Variants in ANKRD27 observed in about 807,000 individuals in gnomAD.
ANKRD27 encodes the protein ankyrin repeat domain 27, also known as ankyrin repeat domain-containing protein 27.
Under a neutral mutation model 129.7 loss-of-function variants are expected in ANKRD27, and 112 were observed. The observed-to-expected ratio is 0.86, with a 90% CI of 0.74 to 1.01. ANKRD27 has a LOEUF of 1.01. Ranked by LOEUF, ANKRD27 falls within the 50% of genes least tolerant of loss-of-function variation. ANKRD27 has a pLI of 0.00. For synonymous variants in ANKRD27, 516 were observed against 511.2 expected, an observed-to-expected ratio of 1.01 and a Z score of -0.13; for missense variants, 1,258 against 1,300.5, an observed-to-expected ratio of 0.97 and a Z score of 0.50.
chr19:32,672,053 T>G (rs1967880971), intron 1 of ANKRD27, among the ~76,000 whole-genome samples: 1 of 152,186 alleles, frequency 6.6e-6, no homozygotes, highest in South Asian at 2.1e-4. Context: ...GGTGACAGCG[T>G]GCAGCCCAGC....
chr19:32,620,062 C>T (rs2145274974), intron 18 of ANKRD27, among the ~76,000 whole-genome samples: 1 of 152,216 alleles, frequency 6.6e-6, no homozygotes, highest in East Asian at 1.9e-4. Flanking sequence ...CCTCCCAAGA[C>T]ATCCCAGCAG....
chr19:32,605,535 G>A (rs540298285), intron 24 of ANKRD27, among the ~76,000 whole-genome samples: 1 of 152,218 alleles, frequency 6.6e-6, no homozygotes, highest in Admixed American at 6.5e-5. Flanking sequence ...GGACAGAGGC[G>A]GCCACTCAGC....
intron 1 of ANKRD27, among the ~76,000 whole-genome samples, chr19:32,664,042 C>T (rs12461648): frequency 0.11 from 11,419 of 105,734 alleles, 694 homozygotes; most frequent in East Asian, 0.25. Flanking sequence ...GGCGACAGAG[C>T]GAGACTCTGT....
intron 17 of ANKRD27, among the ~76,000 whole-genome samples, chr19:32,623,608 A>G (rs6510270): frequency 0.69 from 103,179 of 150,440 alleles, 36,071 homozygotes; most frequent in African/African-American, 0.83. Flanking sequence ...GGAGTACAGC[A>G]GTGCAATCTC....
At position 32,643,839 on chromosome 19, in the gene ANKRD27, C is replaced by T. The variant is rs532731137; in HGVS notation, c.526-208G>A. 86 of 585,078 alleles carry T rather than the reference C, an allele frequency of 1.5e-4. No homozygotes were observed. In the Middle Eastern group the frequency reaches 1.9e-3, roughly 13 times the overall value. 36.2% of individuals were successfully genotyped at this position (585,078 alleles called of 1,614,324 possible). Reference sequence around the variant, plus strand: ...GGGGTTAACACAGAGGATAATAATACTCATTGTTATACTTCCCCATGACTT... The same window carrying T: ...GGGGTTAACACAGAGGATAATAATATTCATTGTTATACTTCCCCATGACTT... On this transcript the variant is annotated intron_variant, in intron 5 of 28. Coordinates refer to ENST00000306065, the MANE Select transcript of ANKRD27 (RefSeq NM_032139.3).
intron 1 of ANKRD27, among the ~76,000 whole-genome samples, chr19:32,670,546 C>T (rs259280): frequency 0.49 from 74,017 of 151,114 alleles, 20,978 homozygotes; most frequent in Non-Finnish European, 0.65. Flanking sequence ...TGGTGGCAAA[C>T]CCCTGTAATC....
rs747837816 is a variant in ANKRD27 at position 32,598,298 on chromosome 19, G to A, written c.3000C>T (p.Ser1000=). The change falls in exon 29 of 29, where the codon AGC becomes AGT. Residue 1000 remains serine, a synonymous_variant. Coordinates refer to ENST00000306065, the MANE Select transcript of ANKRD27 (RefSeq NM_032139.3). The part of the protein sequence containing the change: ...SGSHAAEKGN[S]DWPERPGLTQ... ...TCAGTCCAGGCCTCTCTGGCCAGTCGCTGTTGCCTTTCTCAGCAGCATGAG... is the reference window on the plus strand; with the variant it reads ...TCAGTCCAGGCCTCTCTGGCCAGTCACTGTTGCCTTTCTCAGCAGCATGAG... 7 of 1,614,006 alleles carry A rather than the reference G, an allele frequency of 4.3e-6. No homozygotes were observed. Among genetic ancestry groups the A allele is most frequent in the African/African-American group, 4.0e-5 (3 of 74,896 alleles).
intron 9 of ANKRD27, among the ~76,000 whole-genome samples, chr19:32,642,623 G>A (rs565141288): frequency 2.0e-5 from 3 of 152,134 alleles, no homozygotes; most frequent in South Asian, 2.1e-4. Context: ...CTGTAATCCC[G>A]CTACTCGGGA....
At chr19:32,658,253 G>A (rs947027884) in intron 2 of ANKRD27, among the ~76,000 whole-genome samples, 4 of 152,166 alleles carry the variant, frequency 2.6e-5, no homozygotes, top group African/African-American at 4.8e-5. Context: ...CCCCAGTGCC[G>A]TCTAAGTAGG....
chr19:32,607,630 C>T lies in ANKRD27; in HGVS notation c.2373+5G>A, dbSNP rs1004130985. 19 of 1,610,510 alleles carry T rather than the reference C, an allele frequency of 1.2e-5. No individual in the cohort carries two copies. Among genetic ancestry groups the T allele is most frequent in the Middle Eastern group, 2.2e-4 (1 of 4,564 alleles). On this transcript the variant is annotated splice_donor_5th_base_variant and intron_variant, in intron 23 of 28. Transcript: ENST00000306065. ...GCTCCACCACCCCCAACACACAGCC[C>T]GAACCTGAAAGTGGCCCTGCTGGCA... is the stretch of plus-strand genomic sequence containing the variant.
intron 1 of ANKRD27, among the ~76,000 whole-genome samples, chr19:32,665,700 C>T (rs1258019756): frequency 3.3e-5 from 5 of 151,880 alleles, no homozygotes; most frequent in African/African-American, 1.2e-4. Flanking sequence ...ACCTCGTGAT[C>T]CGCCCGCCTT....
At chr19:32,651,852 C>G (rs1314399510) in intron 2 of ANKRD27, among the ~76,000 whole-genome samples, 1 of 152,228 alleles carries the variant, frequency 6.6e-6, no homozygotes. Flanking sequence ...TGCATGTTTA[C>G]TGGGTAAATC....
At chr19:32,600,585 C>T (rs2145254017) in intron 26 of ANKRD27, among the ~76,000 whole-genome samples, 1 of 152,240 alleles carries the variant, frequency 6.6e-6, no homozygotes, top group African/African-American at 2.4e-5. Flanking sequence ...TCTTTGACTT[C>T]ATGCTCAGAA....
rs760556166 is a variant in ANKRD27, at chr19:32,607,745, C to T, written c.2263G>A (p.Gly755Ser). ...AGGAGGGGGATGAGGTCCGCCCGGC[C>T]GTGCAGGGCGGCGACATGCAGCGGG... Reference protein sequence around the residue: ...SSPLHVAALHGRADLIPLLLK... With the variant: ...SSPLHVAALHSRADLIPLLLK... Residue 755 changes from glycine to serine, a missense_variant, in exon 23 of 29, where the codon GGC becomes AGC. Transcript: ENST00000306065. The T allele has an allele frequency of 4.3e-6, 7 of 1,612,798 alleles. No individual in the cohort carries two copies. The highest frequency in any genetic ancestry group is 3.3e-4 in the Middle Eastern group (2 of 6,082).
Position 32,643,565 on chromosome 19 carries a change from T to C in ANKRD27, c.585+7A>G. 1 of 1,614,026 alleles carries C rather than the reference T, an allele frequency of 6.2e-7. No individual in the cohort carries two copies. The highest frequency in any genetic ancestry group is 8.5e-7 in the Non-Finnish European group (1 of 1,180,008). On this transcript the variant is annotated splice_region_variant and intron_variant, in intron 6 of 28. Transcript: ENST00000306065. ...CAATTCTCCCTCTCAGAAGTCCTGC[T>C]GCTTACCAGGTGAGAGTCCCTCAGA...
Position 32,646,432 on chromosome 19 carries a change from AGAAAAAGGTTTTTTCTCCCAGAATACCT to A in ANKRD27, c.369_370+26del, listed in dbSNP as rs768361734. On this transcript the variant is annotated splice_donor_variant and splice_donor_5th_base_variant and coding_sequence_variant and intron_variant, in exon 4 of 29. Transcript: ENST00000306065. LOFTEE classifies it high-confidence loss of function. ...AACAAACACATTTTTCTAAAACAGG[AGAAAAAGGTTTTTTCTCCCAGAATACCT>A]GAACTCTCTCTCTTTTCCAAAGGAT... is the stretch of plus-strand genomic sequence containing the variant. 1.3e-4 allele frequency: 202 copies of A among 1,586,468 alleles called. No homozygotes were observed. Among genetic ancestry groups the A allele is most frequent in the Non-Finnish European group, 1.7e-4 (199 of 1,168,256 alleles).
intron 22 of ANKRD27, among the ~76,000 whole-genome samples, chr19:32,615,036 C>T (rs1971893542): frequency 6.6e-6 from 1 of 152,094 alleles, no homozygotes; most frequent in Non-Finnish European, 1.5e-5. Context: ...GTGCAGCTTC[C>T]CTGGGGGGCT....
chr19:32,639,344 G>A lies in ANKRD27; in HGVS notation c.1116+12C>T. 6.2e-7 allele frequency: 1 copy of A among 1,614,142 alleles called. No individual in the cohort carries two copies. Among genetic ancestry groups the A allele is most frequent in the Non-Finnish European group, 8.5e-7 (1 of 1,180,012 alleles). ...CCCACAAAGGAAGGCCAGGGCAGGG[G>A]TGAGATCTTACAGGGGGTTTAGCAG... On this transcript the variant is annotated intron_variant, in intron 12 of 28. Coordinates refer to ENST00000306065, the MANE Select transcript of ANKRD27 (RefSeq NM_032139.3).
intron 18 of ANKRD27, among the ~76,000 whole-genome samples, chr19:32,619,954 C>G (rs1421617357): frequency 6.6e-6 from 1 of 152,152 alleles, no homozygotes; most frequent in African/African-American, 2.4e-5. Context: ...CAAGTAGGAA[C>G]AGCTCAGAGC....
Sources: allele counts gnomAD v4.1 joint callset (sites outside exome capture counted in the v4.1 genomes callset), GRCh38; gene constraint gnomAD v4.1.1; transcripts MANE v1.5; gene names NCBI Gene and HGNC (gene_info 2026-07-23, HGNC 2026-07-21).